Variants in DNAJC12 observed in about 807,000 individuals in gnomAD.
The protein encoded by DNAJC12 is DnaJ heat shock protein family (Hsp40) member C12.
Under a neutral mutation model 28.5 loss-of-function variants are expected in DNAJC12, and 25 were observed. The ratio of observed to expected loss-of-function variants is 0.88; its 90% CI spans 0.64 to 1.22. DNAJC12 has a LOEUF of 1.22. Among genes scored for constraint, DNAJC12 ranks in the 50% most tolerant of loss-of-function variants. The pLI is 0.00. For missense variants in DNAJC12, 222 were observed against 231.7 expected (o/e 0.96, Z 0.27); for synonymous variants, 77 against 80.6 (o/e 0.95, Z 0.24).
At chr10:67,825,341 A>T (rs2131809512) in intron 1 of DNAJC12, 1 of 152,386 alleles carries the variant, frequency 6.6e-6, no homozygotes, top group East Asian at 1.9e-4. Flanking sequence ...CCCAGGCTGA[A>T]GTGCAGTGGC....
chr10:67,811,272 G>A (rs1841855459), intron 3 of DNAJC12: 2 of 1,321,210 alleles, frequency 1.5e-6, no homozygotes, highest in South Asian at 2.2e-5. Flanking sequence ...AACAGGGAGT[G>A]TGTATACTGA....
chr10:67,825,929 G>T (rs1842024928), intron 1 of DNAJC12, among the ~76,000 whole-genome samples: 1 of 152,046 alleles, frequency 6.6e-6, no homozygotes, highest in African/African-American at 2.4e-5. Flanking sequence ...CTGAGAACTA[G>T]ACTTGTTTTT....
chr10:67,813,085 TG>T (rs1841878256), intron 2 of DNAJC12, among the ~76,000 whole-genome samples: 1 of 152,108 alleles, frequency 6.6e-6, no homozygotes, highest in African/African-American at 2.4e-5. Context: ...TATTAGGAGA[TG>T]GGGCTTTTGA....
At chr10:67,805,863 G>A in intron 3 of DNAJC12, 76 bp from the exon 4 acceptor site, 1 of 1,177,644 alleles carries the variant, frequency 8.5e-7, no homozygotes, top group East Asian at 2.7e-5. Context: ...TTTGATATGT[G>A]GTAACACCTG....
chr10:67,813,568 T>C (rs1271693164), intron 2 of DNAJC12, among the ~76,000 whole-genome samples: 1 of 148,318 alleles, frequency 6.7e-6, no homozygotes, highest in Non-Finnish European at 1.5e-5. Context: ...GCCAACATGG[T>C]GAAACCCCGT....
chr10:67,837,813 C>T, intron 1 of DNAJC12, 121 bp downstream of exon 1: 1 of 664,214 alleles, frequency 1.5e-6, no homozygotes. Context: ...TTTAAAACAA[C>T]ACAAGGTTAG....
chr10:67,831,251 G>A (rs1301440503), intron 1 of DNAJC12, among the ~76,000 whole-genome samples: 1 of 152,064 alleles, frequency 6.6e-6, no homozygotes, highest in African/African-American at 2.4e-5. Flanking sequence ...TACATATACA[G>A]ATATAGCATA....
rs1842157093 is a variant in DNAJC12 at position 67,838,084 on chromosome 10, C to T, written c.-73G>A. On this transcript the variant is annotated 5_prime_UTR_variant, in exon 1 of 5. Transcript: ENST00000225171. Reference sequence around the variant, plus strand: ...TGAGCTTCGAATTAACAGGAAGAAACTCTTTAAATCTGAATTAGAGCAGCA... The same window carrying T: ...TGAGCTTCGAATTAACAGGAAGAAATTCTTTAAATCTGAATTAGAGCAGCA... 2.0e-6 allele frequency: 2 copies of T among 1,009,928 alleles called. No homozygotes were observed. The highest frequency in any genetic ancestry group is 4.9e-5 in the East Asian group (2 of 40,702). The allele number at this position is 1,009,928 out of a possible 1,614,324, so 62.6% of individuals were successfully genotyped here. A position where few individuals can be genotyped will look rare whatever the true frequency, so the allele number is the denominator to read the frequency against.
intron 1 of DNAJC12, 41 bp from the exon 2 acceptor site, chr10:67,823,433 G>T (rs367812966): frequency 6.4e-7 from 1 of 1,570,758 alleles, no homozygotes; most frequent in South Asian, 1.1e-5. Context: ...AGTCATGCCA[G>T]GCGCAGTGAC....
rs1458877747 is a variant in DNAJC12, at chr10:67,811,604, C to A, written c.217G>T (p.Ala73Ser). The A allele has an allele frequency of 1.9e-6, 3 of 1,614,114 alleles. No individual in the cohort carries two copies. In the Admixed American group the frequency reaches 5.0e-5, roughly 27 times the overall value. ...KEILTNEESR[A>S]RYDHWRRSQM... ...CTCCTTCGCCAGTGGTCATAGCGGGCTCGACTCTCTTCATTGGTCAGAATC... is the reference window on the plus strand; with the variant it reads ...CTCCTTCGCCAGTGGTCATAGCGGGATCGACTCTCTTCATTGGTCAGAATC... The change falls in exon 3 of 5, where the codon GCC becomes TCC. Residue 73 changes from alanine to serine, a missense_variant. Ala to Ser is a moderately conservative substitution (Grantham distance 99). Transcript: ENST00000225171.
intron 3 of DNAJC12, among the ~76,000 whole-genome samples, chr10:67,810,060 C>A (rs777723278): frequency 6.6e-6 from 1 of 152,266 alleles, no homozygotes; most frequent in African/African-American, 2.4e-5. Context: ...CTCACAGTTC[C>A]TCAGGCTTAA....
At chr10:67,811,172 G>A (rs991923335) in intron 3 of DNAJC12, 2 of 519,510 alleles carry the variant, frequency 3.8e-6, no homozygotes, top group Non-Finnish European at 5.1e-6. Flanking sequence ...CTAAAAAGAT[G>A]GAGAATGTGA....
chr10:67,805,727 G>C lies in DNAJC12; in HGVS notation c.358C>G (p.His120Asp). Residue 120 changes from histidine to aspartate, a missense_variant, in exon 4 of 5, where the codon CAT becomes GAT. Physicochemically the swap from His to Asp is moderately conservative, Grantham distance 81. Coordinates refer to ENST00000225171, the MANE Select transcript of DNAJC12 (RefSeq NM_021800.3). ...TCCTCATTTTCCATCTTGGTGGTAT[G>C]AGTCTTGTCAGATTCTTCCAGCATC... ...DLMLEESDKT[H>D]TTKMENEECN... is the part of the protein sequence containing the mutation. 6.2e-7 allele frequency: 1 copy of C among 1,612,116 alleles called. No individual in the cohort carries two copies. The highest frequency in any genetic ancestry group is 1.1e-5 in the South Asian group (1 of 90,552).
chr10:67,799,751 C>T (rs192555154), intron 4 of DNAJC12, among the ~76,000 whole-genome samples: 2 of 152,086 alleles, frequency 1.3e-5, no homozygotes, highest in East Asian at 1.9e-4. Flanking sequence ...GGCGTGGTAG[C>T]ACACGCCTGT....
At chr10:67,808,287 A>G (rs1589604350) in intron 3 of DNAJC12, among the ~76,000 whole-genome samples, 1 of 152,246 alleles carries the variant, frequency 6.6e-6, no homozygotes, top group Admixed American at 6.5e-5. Flanking sequence ...TAAAATGCAC[A>G]AGACAGAAAA....
intron 4 of DNAJC12, among the ~76,000 whole-genome samples, chr10:67,804,860 C>G (rs189393898): frequency 1.2e-3 from 180 of 152,038 alleles, no homozygotes; most frequent in African/African-American, 4.1e-3. Context: ...GATGAAACCC[C>G]ATCTCTACTA....
At chr10:67,817,633 T>C (rs1416785465) in intron 2 of DNAJC12, among the ~76,000 whole-genome samples, 1 of 152,164 alleles carries the variant, frequency 6.6e-6, no homozygotes, top group Non-Finnish European at 1.5e-5. Context: ...TCCCAGCACT[T>C]TGGGAGGCCG....
chr10:67,802,597 G>C (rs1199001061), intron 4 of DNAJC12, among the ~76,000 whole-genome samples: 2 of 152,018 alleles, frequency 1.3e-5, no homozygotes, highest in Non-Finnish European at 2.9e-5. Flanking sequence ...TTGCAATGTA[G>C]TTTTTATATA....
At chr10:67,822,780 G>T (rs1841993028) in intron 2 of DNAJC12, among the ~76,000 whole-genome samples, 1 of 151,902 alleles carries the variant, frequency 6.6e-6, no homozygotes, top group East Asian at 1.9e-4. Context: ...TGGAGGTCAG[G>T]AGTTCGAAAC....
Sources: gnomAD v4.1 joint callset for allele counts (sites outside exome capture counted in the v4.1 genomes callset) on GRCh38, gnomAD v4.1.1 for gene constraint, MANE v1.5 for transcripts, NCBI Gene and HGNC (gene_info 2026-07-23, HGNC 2026-07-21) for gene names.